The following MTHFD1L variants were observed in gnomAD, a reference collection of about 807,000 sequenced individuals.
MTHFD1L encodes the protein methylenetetrahydrofolate dehydrogenase (NADP+ dependent) 1 like.
A neutral mutation model predicts 119.5 loss-of-function variants in MTHFD1L; 81 were observed. The observed-to-expected ratio is 0.68, with a 90% confidence interval of 0.57 to 0.82. MTHFD1L has a LOEUF of 0.82. Among genes scored for constraint, MTHFD1L ranks in the 40% least tolerant of loss-of-function variants. The probability of loss-of-function intolerance (pLI) is 0.00; values close to 1 mark genes in which losing one functional copy is unlikely to be tolerated. For synonymous variants in MTHFD1L, 430 were observed against 475.2 expected (o/e 0.90, Z 1.24); for missense variants, 1,125 against 1,253.4 (o/e 0.90, Z 1.55).
intron 20 of MTHFD1L, among the ~76,000 whole-genome samples, chr6:150,976,312 C>T (rs1247291044): frequency 6.6e-6 from 1 of 152,190 alleles, no homozygotes; most frequent in African/African-American, 2.4e-5. Flanking sequence ...TTCCCAGGTT[C>T]TAACCCGTCA....
chr6:150,919,382 C>G (rs1562378698), intron 9 of MTHFD1L, among the ~76,000 whole-genome samples: 1 of 151,904 alleles, frequency 6.6e-6, no homozygotes, highest in Admixed American at 6.6e-5. Context: ...CACCACCACG[C>G]CTGGCTAATT....
In MTHFD1L at chr6:150,882,803, A is replaced by G. The variant is rs201254747; in HGVS notation, c.459A>G (p.Val153=). ...EILKINEDTR[V]HGLALQISEN... ...TAAAGATCAATGAAGATACCAGAGT[A>G]CATGGCCTTGCCCTTCAGATCTCTG... The change falls in exon 5 of 28, where the codon GTA becomes GTG. Residue 153 remains valine (V), a synonymous_variant. Coordinates refer to ENST00000367321, the MANE Select transcript of MTHFD1L (RefSeq NM_015440.5). 2 of 1,572,420 alleles carry G rather than the reference A, an allele frequency of 1.3e-6. No homozygotes were observed. Among genetic ancestry groups the G allele is most frequent in the Non-Finnish European group, 1.7e-6 (2 of 1,165,540 alleles).
At chr6:151,033,718 AGT>A (rs2128530111) in intron 24 of MTHFD1L, among the ~76,000 whole-genome samples, 1 of 152,250 alleles carries the variant, frequency 6.6e-6, no homozygotes, top group South Asian at 2.1e-4. Context: ...TTTCCAATAT[AGT>A]GTTTGATCAC....
At chr6:151,047,213 C>T (rs1469301350) in intron 26 of MTHFD1L, among the ~76,000 whole-genome samples, 1 of 152,142 alleles carries the variant, frequency 6.6e-6, no homozygotes, top group Non-Finnish European at 1.5e-5. Flanking sequence ...CACAGTACCT[C>T]GTTTGGCTTA....
At position 150,926,369 on chromosome 6, in the gene MTHFD1L, C is replaced by T. The variant is rs1344694021; in HGVS notation, c.1256+74C>T. 44 of 1,306,666 alleles carry T rather than the reference C, an allele frequency of 3.4e-5. No individual in the cohort carries two copies. The highest frequency in any genetic ancestry group is 4.7e-5 in the East Asian group (2 of 42,812). 80.9% of individuals were successfully genotyped at this position (1,306,666 alleles called of 1,614,324 possible). On this transcript the variant is annotated intron_variant, in intron 11 of 27. Transcript: ENST00000367321. The surrounding 1 kb of genome is among the most constrained non-coding windows in gnomAD (Gnocchi z 4.3). ...ACTCTTCCCTATTTATCTCTCTCCT[C>T]GTACCCCTCAATCCATCCTATTCTC...
intron 9 of MTHFD1L, among the ~76,000 whole-genome samples, chr6:150,920,445 A>G (rs771304839): frequency 2.6e-5 from 4 of 152,216 alleles, no homozygotes; most frequent in Non-Finnish European, 4.4e-5. Flanking sequence ...GTAATACACA[A>G]TTGAAACTCT....
chr6:150,943,820 GT>G (rs1284081680), intron 13 of MTHFD1L, among the ~76,000 whole-genome samples: 1 of 152,136 alleles, frequency 6.6e-6, no homozygotes, highest in Non-Finnish European at 1.5e-5. Context: ...AATGAGTAGA[GT>G]CATGAGGGTA....
At chr6:151,061,587 A>G (rs1311747577) in intron 26 of MTHFD1L, among the ~76,000 whole-genome samples, 1 of 152,208 alleles carries the variant, frequency 6.6e-6, no homozygotes, top group East Asian at 1.9e-4. Context: ...GGATTTGGTT[A>G]CTAACATGTT....
chr6:151,097,627 G>A (rs1794992439), intron 27 of MTHFD1L, among the ~76,000 whole-genome samples: 1 of 152,174 alleles, frequency 6.6e-6, no homozygotes, highest in South Asian at 2.1e-4. Context: ...ATGAAGAAAG[G>A]TTGGTTATGG....
rs372597629 is a variant in MTHFD1L at position 150,938,702 on chromosome 6, G to A, written c.1397G>A (p.Gly466Glu). 158 of 1,610,268 alleles carry A rather than the reference G, an allele frequency of 9.8e-5. No individual in the cohort carries two copies. The highest frequency in any genetic ancestry group is 1.2e-4 in the Non-Finnish European group (146 of 1,178,712). ...TGCCTCTTGCTCTGTTGTTTAGGAG[G>A]AGCCGCGGGTGGTGGATATGCCCAG... ...SQGPTFGVKG[G>E]AAGGGYAQVI... The change falls in exon 13 of 28, where the codon GGA becomes GAA. Residue 466 changes from glycine to glutamate, a missense_variant. Coordinates refer to ENST00000367321, the MANE Select transcript of MTHFD1L (RefSeq NM_015440.5).
intron 13 of MTHFD1L, among the ~76,000 whole-genome samples, chr6:150,939,754 G>A (rs960885597): frequency 1.4e-5 from 2 of 142,292 alleles, no homozygotes; most frequent in African/African-American, 5.4e-5. Flanking sequence ...GCACAGTCTC[G>A]GCTCACTGCA....
intron 8 of MTHFD1L, among the ~76,000 whole-genome samples, chr6:150,913,661 T>C (rs2128873827): frequency 6.6e-6 from 1 of 152,102 alleles, no homozygotes; most frequent in East Asian, 1.9e-4. Flanking sequence ...GAGTTATATA[T>C]AATTAAGAGA....
chr6:151,033,454 T>A (rs1785646832), intron 24 of MTHFD1L, among the ~76,000 whole-genome samples: 1 of 152,232 alleles, frequency 6.6e-6, no homozygotes, highest in Non-Finnish European at 1.5e-5. Context: ...GGATTGTAGA[T>A]AATTTTGCCA....
intron 8 of MTHFD1L, among the ~76,000 whole-genome samples, chr6:150,917,579 C>T (rs528791693): frequency 6.6e-6 from 1 of 152,272 alleles, no homozygotes; most frequent in East Asian, 1.9e-4. Context: ...GATATGAAGT[C>T]ATTCTGACAG....
intron 19 of MTHFD1L, among the ~76,000 whole-genome samples, chr6:150,966,958 G>T (rs1242400829): frequency 1.3e-5 from 2 of 152,230 alleles, no homozygotes; most frequent in African/African-American, 4.8e-5. Context: ...AGCCCCGGGG[G>T]AGGGGTGCAG....
intron 20 of MTHFD1L, among the ~76,000 whole-genome samples, chr6:150,987,599 G>C (rs1778480126): frequency 6.6e-6 from 1 of 152,212 alleles, no homozygotes; most frequent in Non-Finnish European, 1.5e-5. Flanking sequence ...TTTGCTCAAA[G>C]GCAGGCAGCT....
intron 19 of MTHFD1L, among the ~76,000 whole-genome samples, chr6:150,968,049 G>C (rs1771799): frequency 0.47 from 71,024 of 151,262 alleles, 17,566 homozygotes; most frequent in South Asian, 0.59. Context: ...GCCACTTCCT[G>C]ATATTCTCAT....
At chr6:151,074,972 C>T (rs750469073) in intron 26 of MTHFD1L, among the ~76,000 whole-genome samples, 24 of 151,916 alleles carry the variant, frequency 1.6e-4, no homozygotes, top group Non-Finnish European at 2.5e-4. Context: ...AATTCAACAA[C>T]GTTATAGTTA....
chr6:151,008,393 T>G (rs1025294729), intron 20 of MTHFD1L, among the ~76,000 whole-genome samples: 3 of 152,240 alleles, frequency 2.0e-5, no homozygotes, highest in Non-Finnish European at 4.4e-5. Flanking sequence ...CTCAGTAGTA[T>G]TCCCTTCCTA....
Sources: allele counts gnomAD v4.1 joint callset (sites outside exome capture counted in the v4.1 genomes callset), GRCh38; gene constraint gnomAD v4.1.1; non-coding constraint Gnocchi (gnomAD v3.1); transcripts MANE v1.5; gene names NCBI Gene and HGNC (gene_info 2026-07-23, HGNC 2026-07-21).